NVL: variants seen among roughly 807,000 people sequenced by gnomAD.
NVL encodes nuclear VCP like.
In NVL, 84 loss-of-function variants were observed where a neutral mutation model predicts 110.2. The observed-to-expected ratio is 0.76, with a 90% CI of 0.64 to 0.91. The LOEUF (loss-of-function observed/expected upper bound fraction) is 0.91. Among genes scored for constraint, NVL ranks in the 40% least tolerant of loss-of-function variants. The pLI is 0.00. For synonymous variants in NVL, 354 were observed against 361.1 expected, an observed-to-expected ratio of 0.98 and a Z score of 0.22; for missense variants, 882 against 1,035.9, an observed-to-expected ratio of 0.85 and a Z score of 2.04.
rs187455760 is a variant in NVL, at chr1:224,272,560, A to G, written c.2082+2779T>C. Among the ~76,000 whole-genome samples, 292 of 151,844 alleles carry G rather than the reference A, an allele frequency of 1.9e-3. 1 individual carries two copies. Among genetic ancestry groups the G allele is most frequent in the African/African-American group, 6.5e-3 (271 of 41,392 alleles). ...TGGTAAAACCCCGTCTCTACTAAAAATACAAAATTAGCCAGGTGTGGTGGC... is the reference window on the plus strand; with the variant it reads ...TGGTAAAACCCCGTCTCTACTAAAAGTACAAAATTAGCCAGGTGTGGTGGC... On this transcript the variant is annotated intron_variant, in intron 17 of 22. Transcript: ENST00000281701.
chr1:224,257,445 A>G (rs903250160), intron 18 of NVL, among the ~76,000 whole-genome samples: 1 of 152,226 alleles, frequency 6.6e-6, no homozygotes, highest in African/African-American at 2.4e-5. Flanking sequence ...AACAAAGGTA[A>G]CAAGACAATT....
intron 4 of NVL, among the ~76,000 whole-genome samples, chr1:224,317,262 A>G (rs1670183347): frequency 6.6e-6 from 1 of 152,188 alleles, no homozygotes; most frequent in Non-Finnish European, 1.5e-5. Context: ...TATATCTGAT[A>G]TTGTATTAGG....
chr1:224,309,274 T>C (rs1436569578), intron 5 of NVL, among the ~76,000 whole-genome samples: 1 of 152,164 alleles, frequency 6.6e-6, no homozygotes, highest in East Asian at 1.9e-4. Flanking sequence ...ATCCTAATGC[T>C]TTCGGAGGCC....
chr1:224,276,626 A>G (rs1309019091), intron 16 of NVL, among the ~76,000 whole-genome samples: 1 of 152,184 alleles, frequency 6.6e-6, no homozygotes, highest in East Asian at 1.9e-4. Flanking sequence ...CACAGACGAC[A>G]GAGATTAAAG....
chr1:224,258,190 T>C (rs1346464582), intron 18 of NVL, among the ~76,000 whole-genome samples: 1 of 152,132 alleles, frequency 6.6e-6, no homozygotes, highest in Non-Finnish European at 1.5e-5. Flanking sequence ...AAAGAACTCT[T>C]ACTACTCAAT....
At chr1:224,236,400 T>C (rs1660475298) in intron 20 of NVL, 106 bp downstream of exon 20, 1 of 836,218 alleles carries the variant, frequency 1.2e-6, no homozygotes, top group Non-Finnish European at 2.0e-6. Flanking sequence ...GGATACCTCA[T>C]TTAATCCTCC....
intron 4 of NVL, chr1:224,313,192 T>C (rs1310232113): frequency 4.5e-6 from 1 of 220,502 alleles, no homozygotes; most frequent in Admixed American, 4.6e-5. Context: ...AAGCAAATTC[T>C]GTATTCATTA....
At chr1:224,277,698 A>C (rs1665906444) in intron 16 of NVL, among the ~76,000 whole-genome samples, 1 of 152,208 alleles carries the variant, frequency 6.6e-6, no homozygotes, top group Non-Finnish European at 1.5e-5. Flanking sequence ...CAAAATCTTT[A>C]TTGGCCATCA....
Position 224,305,093 on chromosome 1 carries a change from C to A in NVL, c.689G>T (p.Arg230Met). 1.2e-6 allele frequency: 2 copies of A among 1,613,768 alleles called. No homozygotes were observed. Among genetic ancestry groups the A allele is most frequent in the Non-Finnish European group, 8.5e-7 (1 of 1,179,880 alleles). The change falls in exon 7 of 23, where the codon AGG becomes ATG. Residue 230 changes from arginine (R) to methionine (M), a missense_variant. Coordinates refer to ENST00000281701, the MANE Select transcript of NVL (RefSeq NM_002533.4). ...KGKLKNKGSK[R>M]KKEDLQEVDG... ...TACTTCCTGAAGATCTTCTTTCTTC[C>A]TTTTGCTTCCTTTATTCTTTAGCTT...
At chr1:224,267,952 T>G in intron 18 of NVL, 82 bp downstream of exon 18, 1 of 951,302 alleles carries the variant, frequency 1.1e-6, no homozygotes. Flanking sequence ...TTTTTACTTT[T>G]ATTTTTAATT....
intron 22 of NVL, chr1:224,227,908 C>T (rs1312674903): frequency 1.9e-5 from 5 of 262,178 alleles, no homozygotes; most frequent in African/African-American, 1.1e-4. Context: ...GAGGGAAGAG[C>T]ATGTGCGCAG....
intron 15 of NVL, among the ~76,000 whole-genome samples, chr1:224,284,900 C>T (rs1482923679): frequency 2.6e-5 from 4 of 152,106 alleles, no homozygotes; most frequent in African/African-American, 4.8e-5. Context: ...ACATACATTC[C>T]TTTGACTGGA....
intron 18 of NVL, among the ~76,000 whole-genome samples, chr1:224,251,340 T>C (rs778024361): frequency 6.0e-5 from 9 of 149,680 alleles, no homozygotes; most frequent in Non-Finnish European, 1.0e-4. Flanking sequence ...AATAAAAAAT[T>C]AATAAATTGC....
In NVL at chr1:224,263,013, C is replaced by T. The variant is rs116348060; in HGVS notation, c.2182+5021G>A. ...CATAAGATAACTAAATCTTCATCTA[C>T]CTTAAAATGAAGTTAATGGGCAGTG... On this transcript the variant is annotated intron_variant, in intron 18 of 22. Coordinates refer to ENST00000281701, the MANE Select transcript of NVL (RefSeq NM_002533.4). Among the ~76,000 whole-genome samples the T allele has an allele frequency of 6.8e-3, 1,040 of 152,102 alleles. 6 individuals carry two copies. Among genetic ancestry groups the T allele is most frequent in the Admixed American group, 0.011 (168 of 15,258 alleles).
At position 224,296,591 on chromosome 1, in the gene NVL, C is replaced by A; in HGVS notation, c.1090G>T (p.Asp364Tyr). The A allele has an allele frequency of 6.3e-7, 1 of 1,594,036 alleles. No homozygotes were observed. Among genetic ancestry groups the A allele is most frequent in the South Asian group, 1.2e-5 (1 of 86,772 alleles). The change falls in exon 11 of 23, where the codon GAT becomes TAT. Residue 364 changes from aspartate to tyrosine, a missense_variant. By Grantham distance (160) the Asp-to-Tyr change is radical. Transcript: ENST00000281701. ...VSNAPCIIFI[D>Y]EIDAITPKRE... Reference sequence around the variant, plus strand: ...TTGGGGGTAATAGCATCAATTTCATCAATGAAAATGATACATGGTGCATTT... The same window carrying A: ...TTGGGGGTAATAGCATCAATTTCATAAATGAAAATGATACATGGTGCATTT...
chr1:224,287,262 G>A (rs752487131), intron 14 of NVL, among the ~76,000 whole-genome samples: 1 of 152,114 alleles, frequency 6.6e-6, no homozygotes, highest in African/African-American at 2.4e-5. Flanking sequence ...ACCAGAGGCT[G>A]GGAAGGGAAG....
chr1:224,321,753 CTCAA>C (rs1289569641), intron 2 of NVL, among the ~76,000 whole-genome samples: 4 of 9,946 alleles, frequency 4.0e-4, no homozygotes, highest in Non-Finnish European at 7.5e-4. Context: ...AAGATTCCAC[CTCAA>C]AAAAAAAAAA....
intron 19 of NVL, among the ~76,000 whole-genome samples, chr1:224,248,067 C>T (rs1216664817): frequency 3.9e-5 from 6 of 152,256 alleles, no homozygotes; most frequent in South Asian, 2.1e-4. Context: ...AACTCCCAAC[C>T]ACAGACCCAA....
chr1:224,263,454 T>A (rs1047071506), intron 18 of NVL, among the ~76,000 whole-genome samples: 1 of 152,226 alleles, frequency 6.6e-6, no homozygotes, highest in Non-Finnish European at 1.5e-5. Context: ...TATTTTCATC[T>A]CCTTGAACAG....
Sources: allele counts gnomAD v4.1 joint callset (sites outside exome capture counted in the v4.1 genomes callset), GRCh38; gene constraint gnomAD v4.1.1; transcripts MANE v1.5; gene names NCBI Gene and HGNC (gene_info 2026-07-23, HGNC 2026-07-21).